The following CLSTN1 variants were observed in gnomAD, a reference collection of about 807,000 sequenced individuals.
The protein encoded by CLSTN1 is calsyntenin-1.
In CLSTN1, 28 loss-of-function variants were observed where a neutral mutation model predicts 108.3. The ratio of observed to expected loss-of-function variants is 0.26; its 90% confidence interval spans 0.19 to 0.35. The LOEUF (loss-of-function observed/expected upper bound fraction) is 0.35. Ranked by LOEUF, CLSTN1 falls within the 10% of genes least tolerant of loss-of-function variation. CLSTN1 has a pLI of 1.00. For missense variants in CLSTN1, 1,157 were observed against 1,302.6 expected (o/e 0.89, Z 1.72); for synonymous variants, 524 against 534.9 (o/e 0.98, Z 0.28).
intron 16 of CLSTN1, among the ~76,000 whole-genome samples, chr1:9,733,073 G>C (rs1234839991): frequency 6.6e-6 from 1 of 152,070 alleles, no homozygotes; most frequent in South Asian, 2.1e-4. Context: ...TCTCTCATGG[G>C]AAATCTCAAG....
intron 1 of CLSTN1, among the ~76,000 whole-genome samples, chr1:9,818,032 A>G (rs1570530686): frequency 1.6e-5 from 2 of 125,372 alleles, no homozygotes; most frequent in Admixed American, 9.0e-5. Context: ...TTAGAGACAG[A>G]GTCTTGCTCT....
At chr1:9,738,106 G>A (rs927674778) in intron 10 of CLSTN1, among the ~76,000 whole-genome samples, 1 of 152,202 alleles carries the variant, frequency 6.6e-6, no homozygotes, top group African/African-American at 2.4e-5. Flanking sequence ...ACCTTTGGGC[G>A]ACAGAGGAAA....
intron 7 of CLSTN1, among the ~76,000 whole-genome samples, chr1:9,748,323 A>G (rs1447109726): frequency 6.6e-6 from 1 of 152,212 alleles, no homozygotes; most frequent in African/African-American, 2.4e-5. Flanking sequence ...CTGACAGTAA[A>G]GAGAGACCTA....
At chr1:9,750,683 G>A (rs1001639337) in intron 5 of CLSTN1, among the ~76,000 whole-genome samples, 5 of 140,468 alleles carry the variant, frequency 3.6e-5, no homozygotes, top group Non-Finnish European at 7.4e-5. Context: ...CTACATTCCA[G>A]CCTGGGCGAC....
intron 2 of CLSTN1, among the ~76,000 whole-genome samples, chr1:9,767,496 G>C (rs1033863080): frequency 2.7e-4 from 40 of 148,372 alleles, no homozygotes; most frequent in Non-Finnish European, 4.6e-4. Flanking sequence ...AGTGAGCCGA[G>C]ATAGCACCAC....
At chr1:9,760,473 A>G (rs1652017879) in intron 2 of CLSTN1, among the ~76,000 whole-genome samples, 2 of 152,240 alleles carry the variant, frequency 1.3e-5, no homozygotes, top group South Asian at 4.1e-4. Flanking sequence ...TCTACTTTTA[A>G]TAAGGAAGAC....
chr1:9,754,126 C>A (rs1042754571), intron 4 of CLSTN1, among the ~76,000 whole-genome samples: 2 of 152,148 alleles, frequency 1.3e-5, no homozygotes, highest in African/African-American at 4.8e-5. Context: ...TAAGTTTATG[C>A]CCTTAGGAAT....
chr1:9,801,757 T>C (rs565068986), intron 1 of CLSTN1, among the ~76,000 whole-genome samples: 18 of 152,282 alleles, frequency 1.2e-4, no homozygotes, highest in Non-Finnish European at 2.6e-4. Context: ...GGTTTCTCCA[T>C]GTTGGTCAGG....
At chr1:9,754,997 A>ATCT (rs560585961) in intron 4 of CLSTN1, 117 bp downstream of exon 4, 16 of 758,338 alleles carry the variant, frequency 2.1e-5, no homozygotes, top group Non-Finnish European at 3.5e-5. Flanking sequence ...CTTGAGAACT[A>ATCT]TCTTCTGCCT....
chr1:9,801,989 T>G (rs185003752), intron 1 of CLSTN1, among the ~76,000 whole-genome samples: 3 of 152,306 alleles, frequency 2.0e-5, no homozygotes, highest in Admixed American at 2.0e-4. Flanking sequence ...TTTACTATAG[T>G]GTTCTAAGTA....
chr1:9,805,738 G>A (rs1470019227), intron 1 of CLSTN1, among the ~76,000 whole-genome samples: 4 of 151,410 alleles, frequency 2.6e-5, no homozygotes, highest in South Asian at 4.2e-4. Context: ...GTGGTGGTGC[G>A]CGCCTATAGT....
At chr1:9,788,748 G>A (rs1433519774) in intron 1 of CLSTN1, among the ~76,000 whole-genome samples, 1 of 148,730 alleles carries the variant, frequency 6.7e-6, no homozygotes, top group African/African-American at 2.5e-5. Flanking sequence ...GGTGCCTGCA[G>A]TCCCAGCTCC....
At chr1:9,748,515 TCTCA>T (rs1651391476) in intron 7 of CLSTN1, among the ~76,000 whole-genome samples, 2 of 152,334 alleles carry the variant, frequency 1.3e-5, no homozygotes, top group Non-Finnish European at 2.9e-5. Flanking sequence ...TGAGACAGGT[TCTCA>T]CTCTGTCATC....
chr1:9,751,723 C>CAGTGTG (rs1373297086), intron 4 of CLSTN1, 42 bp from the exon 5 acceptor site: 1 of 1,568,454 alleles, frequency 6.4e-7, no homozygotes, highest in African/African-American at 1.4e-5. Context: ...TGCTTGTTTT[C>CAGTGTG]AGTGTGAGAG....
intron 2 of CLSTN1, among the ~76,000 whole-genome samples, chr1:9,758,048 G>C (rs1361134937): frequency 6.6e-6 from 1 of 152,002 alleles, no homozygotes; most frequent in African/African-American, 2.4e-5. Context: ...GCCCAGGATG[G>C]AGTAACAAGA....
At chr1:9,755,041 T>C (rs550721067) in intron 4 of CLSTN1, 73 bp downstream of exon 4, 57 of 1,279,912 alleles carry the variant, frequency 4.5e-5, no homozygotes, top group Admixed American at 4.4e-4. Context: ...CAGGCAATAG[T>C]CACTACTATT....
chr1:9,797,868 C>A (rs933605764), intron 1 of CLSTN1, among the ~76,000 whole-genome samples: 2 of 151,788 alleles, frequency 1.3e-5, no homozygotes, highest in Non-Finnish European at 2.9e-5. Context: ...ATGAGGCGGG[C>A]AGATCACTTG....
intron 9 of CLSTN1, among the ~76,000 whole-genome samples, chr1:9,741,501 A>G (rs1485513439): frequency 1.3e-5 from 2 of 152,234 alleles, no homozygotes; most frequent in Non-Finnish European, 2.9e-5. Context: ...GAGCTGCCCA[A>G]TTCTGCTCTG....
chr1:9,807,011 TG>T (rs200727734), intron 1 of CLSTN1, among the ~76,000 whole-genome samples: 2,164 of 148,002 alleles, frequency 0.015, 30 homozygotes, highest in East Asian at 0.045. Context: ...AGTAAGGGCG[TG>T]GGGGGGGGTC....
Sources: gnomAD v4.1 joint callset for allele counts (sites outside exome capture counted in the v4.1 genomes callset) on GRCh38, gnomAD v4.1.1 for gene constraint, MANE v1.5 for transcripts, NCBI Gene and HGNC (gene_info 2026-07-23, HGNC 2026-07-21) for gene names.